The following CAMTA1 variants were observed in gnomAD, a reference collection of about 807,000 sequenced individuals.
CAMTA1 encodes the protein calmodulin-binding transcription activator 1.
CAMTA1 carries 27 observed loss-of-function variants against 170.9 expected under a neutral mutation model. The ratio of observed to expected loss-of-function variants is 0.16; its 90% confidence interval spans 0.12 to 0.22. The LOEUF is 0.22. CAMTA1 is among the 10% of genes least tolerant of loss of function. The pLI is 1.00. For missense variants in CAMTA1, 1,619 were observed against 2,217.2 expected (o/e 0.73, Z 5.42); for synonymous variants, 833 against 891.5 (o/e 0.93, Z 1.17).
At chr1:7,245,183 A>G (rs996211796) in intron 4 of CAMTA1, among the ~76,000 whole-genome samples, 3 of 150,788 alleles carry the variant, frequency 2.0e-5, no homozygotes, top group African/African-American at 4.9e-5. Context: ...GCCAAGATAT[A>G]TATATATATG....
chr1:7,571,432 C>A (rs769244876), intron 6 of CAMTA1, among the ~76,000 whole-genome samples: 5 of 152,194 alleles, frequency 3.3e-5, no homozygotes, highest in Non-Finnish European at 1.5e-5. Flanking sequence ...TTTCATCACT[C>A]AGGTACTAAA....
At chr1:6,880,383 GT>G (rs34745856) in intron 3 of CAMTA1, among the ~76,000 whole-genome samples, 17,891 of 67,426 alleles carry the variant, frequency 0.27, 904 homozygotes, top group Middle Eastern at 0.37. Flanking sequence ...CTCTAAAAGT[GT>G]TTTTTTTTTT....
intron 5 of CAMTA1, among the ~76,000 whole-genome samples, chr1:7,362,710 A>G (rs904644861): frequency 6.6e-6 from 1 of 151,536 alleles, no homozygotes; most frequent in Non-Finnish European, 1.5e-5. Context: ...GGGTAGAGGC[A>G]GTGAACTTGG....
chr1:7,385,776 C>T, intron 5 of CAMTA1, among the ~76,000 whole-genome samples: 1 of 152,258 alleles, frequency 6.6e-6, no homozygotes. Context: ...AAGCTCAGCT[C>T]TCACCACCCA....
chr1:7,518,914 C>A (rs2094323735), intron 6 of CAMTA1, among the ~76,000 whole-genome samples: 1 of 151,950 alleles, frequency 6.6e-6, no homozygotes, highest in African/African-American at 2.4e-5. Context: ...CCTGCCAGCC[C>A]CAGTACTTGG....
chr1:7,419,817 T>C (rs1278312156), intron 5 of CAMTA1, among the ~76,000 whole-genome samples: 1 of 152,070 alleles, frequency 6.6e-6, no homozygotes, highest in Non-Finnish European at 1.5e-5. Flanking sequence ...ATCAGCATCA[T>C]CCATGGCCCA....
At chr1:6,921,757 C>T (rs1682060326) in intron 3 of CAMTA1, among the ~76,000 whole-genome samples, 1 of 152,182 alleles carries the variant, frequency 6.6e-6, no homozygotes, top group Non-Finnish European at 1.5e-5. Flanking sequence ...GGGAAACTCC[C>T]CCTTATAATC....
chr1:7,686,496 G>A (rs1307778051), intron 11 of CAMTA1, among the ~76,000 whole-genome samples: 3 of 151,972 alleles, frequency 2.0e-5, no homozygotes, highest in East Asian at 3.9e-4. Context: ...TCAGAATAGA[G>A]GAAGGGGAGG....
At chr1:7,070,119 G>A (rs1372714775) in intron 3 of CAMTA1, among the ~76,000 whole-genome samples, 1 of 152,192 alleles carries the variant, frequency 6.6e-6, no homozygotes, top group East Asian at 1.9e-4. Flanking sequence ...GGCGGGGCCC[G>A]AAGTGTCCGG....
intron 5 of CAMTA1, among the ~76,000 whole-genome samples, chr1:7,371,692 G>A (rs907042812): frequency 1.3e-5 from 2 of 152,236 alleles, no homozygotes; most frequent in African/African-American, 2.4e-5. Flanking sequence ...TGTGGGTGGT[G>A]CAGCAGCTGC....
chr1:6,851,607 G>A lies in CAMTA1; in HGVS notation c.234+26397G>A, dbSNP rs575166002. ...TTAATAGTAACCAGAGGCCAGGTGC[G>A]GTGGCTCACTCCTGTGATCCCAGCT... On this transcript the variant is annotated intron_variant, in intron 3 of 22. Transcript: ENST00000303635. Among the ~76,000 whole-genome samples, 21 of 152,282 alleles carry A rather than the reference G, an allele frequency of 1.4e-4. No individual in the cohort carries two copies. In the South Asian group the frequency reaches 3.5e-3, roughly 26 times the overall value.
At chr1:7,573,624 G>T (rs1207871414) in intron 6 of CAMTA1, among the ~76,000 whole-genome samples, 1 of 152,178 alleles carries the variant, frequency 6.6e-6, no homozygotes, top group Non-Finnish European at 1.5e-5. Flanking sequence ...GCAAGCATTG[G>T]TACCCCTTGG....
At chr1:7,751,776 G>A (rs1178468851) in intron 20 of CAMTA1, among the ~76,000 whole-genome samples, 1 of 150,860 alleles carries the variant, frequency 6.6e-6, no homozygotes, top group Non-Finnish European at 1.5e-5. Flanking sequence ...ACATAAACAT[G>A]CTCTTTGAGG....
intron 3 of CAMTA1, among the ~76,000 whole-genome samples, chr1:6,903,234 T>A (rs563512566): frequency 6.6e-6 from 1 of 152,222 alleles, no homozygotes; most frequent in African/African-American, 2.4e-5. Context: ...AAAAGTGTTT[T>A]CTTAAGAGTA....
intron 11 of CAMTA1, among the ~76,000 whole-genome samples, chr1:7,683,573 TGG>T (rs2096231836): frequency 6.9e-6 from 1 of 145,826 alleles, no homozygotes; most frequent in African/African-American, 2.6e-5. Flanking sequence ...CCACCTGGAG[TGG>T]GGACTGGGGC....
intron 4 of CAMTA1, among the ~76,000 whole-genome samples, chr1:7,126,781 G>GT (rs1644954801): frequency 6.6e-6 from 1 of 151,916 alleles, no homozygotes; most frequent in South Asian, 2.1e-4. Flanking sequence ...TCTTTTTTAT[G>GT]TTTTTTTGAG....
intron 11 of CAMTA1, among the ~76,000 whole-genome samples, chr1:7,717,373 A>G (rs2096618365): frequency 6.6e-6 from 1 of 152,162 alleles, no homozygotes; most frequent in Admixed American, 6.5e-5. Context: ...AATTAGCTAG[A>G]TTTAATCTTT....
chr1:7,709,756 A>G (rs1031717316), intron 11 of CAMTA1, among the ~76,000 whole-genome samples: 3 of 152,224 alleles, frequency 2.0e-5, no homozygotes, highest in Non-Finnish European at 4.4e-5. Context: ...GAGAAACCTT[A>G]TGTAAATTAC....
chr1:6,831,850 G>T lies in CAMTA1; in HGVS notation c.234+6640G>T, dbSNP rs1650313946. Among the ~76,000 whole-genome samples, 2 of 152,108 alleles carry T rather than the reference G, an allele frequency of 1.3e-5. 1 individual carries two copies. The highest frequency in any genetic ancestry group is 4.1e-4 in the South Asian group (2 of 4,828). On this transcript the variant is annotated intron_variant, in intron 3 of 22. Transcript: ENST00000303635. ...GGTAAAAATGTCTATGTAGAGAGCA[G>T]TATAGGTTGATACATTCTAAGCCAC...
Sources: gnomAD v4.1 joint callset for allele counts (sites outside exome capture counted in the v4.1 genomes callset) on GRCh38, gnomAD v4.1.1 for gene constraint, MANE v1.5 for transcripts, NCBI Gene and HGNC (gene_info 2026-07-23, HGNC 2026-07-21) for gene names.